TTLL4: variants seen among roughly 807,000 people sequenced by gnomAD.
The protein encoded by TTLL4 is tubulin monoglutamylase TTLL4.
In TTLL4, 85 loss-of-function variants were observed where a neutral mutation model predicts 122.7. The observed-to-expected ratio is 0.69, with a 90% CI of 0.58 to 0.83. TTLL4 has a LOEUF of 0.83. Among genes scored for constraint, TTLL4 ranks in the 40% least tolerant of loss-of-function variants. The pLI is 0.00. For missense variants in TTLL4, 1,363 were observed against 1,488.6 expected (o/e 0.92, Z 1.39); for synonymous variants, 553 against 563.0 (o/e 0.98, Z 0.25).
rs373380441 is a variant in TTLL4 at position 218,747,078 on chromosome 2, C to T, written c.2050C>T (p.Arg684Cys). ...GCGGAACCTGTCACGTATGCAGAGC[C>T]GCTTTGGCAAGAAGGAGTTCAGTTT... Reference protein sequence around the residue: ...LWRNLSRMQSRFGKKEFSFFP... With the variant: ...LWRNLSRMQSCFGKKEFSFFP... The change falls in exon 9 of 20, where the codon CGC (arginine) becomes TGC (cysteine). Residue 684 changes from arginine to cysteine, a missense_variant. By Grantham distance (180) the Arg-to-Cys change is radical (BLOSUM62 -3). Around this residue, in one of 3 missense-constraint regions of TTLL4, gnomAD observed 596 missense variants for 655.8 expected, o/e 0.91. Coordinates refer to ENST00000392102, the MANE Select transcript of TTLL4 (RefSeq NM_014640.5). The surrounding 1 kb of genome is among the most constrained non-coding windows in gnomAD (Gnocchi z 4.7). 3.7e-5 allele frequency: 60 copies of T among 1,614,064 alleles called. No individual in the cohort carries two copies. The highest frequency in any genetic ancestry group is 1.3e-4 in the East Asian group (6 of 44,892).
chr2:218,739,352 T>C (rs1942636365), intron 3 of TTLL4, among the ~76,000 whole-genome samples, 189 bp downstream of exon 3: 1 of 152,242 alleles, frequency 6.6e-6, no homozygotes, highest in Admixed American at 6.5e-5. Flanking sequence ...TTGCCTGCTT[T>C]TGTAAATAAA....
Position 218,747,193 on chromosome 2 carries a change from CAGTG to C in TTLL4, c.2166+5_2166+8del. On this transcript the variant is annotated splice_donor_variant and splice_donor_region_variant and coding_sequence_variant and intron_variant, in exon 9 of 20. Coordinates refer to ENST00000392102, the MANE Select transcript of TTLL4 (RefSeq NM_014640.5). LOFTEE classifies it high-confidence loss of function. The surrounding 1 kb of genome is among the most constrained non-coding windows in gnomAD (Gnocchi z 4.7). ...AGCCGCCAAAAGTGGATTGTGAAGCCAGTGAGTGAATCACAGTGGGCAGGAGACT... is the reference window on the plus strand; with the variant it reads ...AGCCGCCAAAAGTGGATTGTGAAGCCAGTGAATCACAGTGGGCAGGAGACT... The C allele has an allele frequency of 1.2e-6, 2 of 1,614,178 alleles. No individual in the cohort carries two copies. The highest frequency in any genetic ancestry group is 1.7e-6 in the Non-Finnish European group (2 of 1,180,030).
rs913252711 is a variant in TTLL4, at chr2:218,752,913, C to G, written c.3127C>G (p.Arg1043Gly). ...SRYLRFFEQP[R>G]YFNILTTQWE... is the part of the protein sequence containing the mutation. ...CTATCTCCGCTTTTTTGAGCAGCCA[C>G]GATATTTCAACATTCTCACCACCCA... The change falls in exon 17 of 20, where the codon CGA becomes GGA. Residue 1043 changes from arginine (R) to glycine (G), a missense_variant. By Grantham distance (125) the Arg-to-Gly change is moderately radical. Coordinates refer to ENST00000392102, the MANE Select transcript of TTLL4 (RefSeq NM_014640.5). 1 of 1,614,012 alleles carries G rather than the reference C, an allele frequency of 6.2e-7. No homozygotes were observed. The highest frequency in any genetic ancestry group is 1.3e-5 in the African/African-American group (1 of 74,890).
intron 1 of TTLL4, among the ~76,000 whole-genome samples, chr2:218,714,178 G>T (rs1559354446): frequency 3.3e-5 from 5 of 152,208 alleles, no homozygotes. Context: ...CAGGCAAAGT[G>T]AGAAGTCTGA....
At chr2:218,728,359 G>A (rs1205270447) in intron 2 of TTLL4, among the ~76,000 whole-genome samples, 2 of 152,190 alleles carry the variant, frequency 1.3e-5, no homozygotes, top group Admixed American at 1.3e-4. Flanking sequence ...CAGATCATCA[G>A]GCATTAGATT....
chr2:218,746,132 G>C, intron 7 of TTLL4, 23 bp from the exon 8 acceptor site: 1 of 1,614,048 alleles, frequency 6.2e-7, no homozygotes, highest in Non-Finnish European at 8.5e-7. Flanking sequence ...TAGCAAGGCT[G>C]ATTCCTGATG....
rs944984373 is a variant in TTLL4 at position 218,754,658 on chromosome 2, G to A, written c.*269G>A. 94 of 526,142 alleles carry A rather than the reference G, an allele frequency of 1.8e-4. No individual in the cohort carries two copies. Among genetic ancestry groups the A allele is most frequent in the Non-Finnish European group, 3.0e-4 (90 of 296,834 alleles). 32.6% of individuals were successfully genotyped at this position (526,142 alleles called of 1,614,324 possible). A position where few individuals can be genotyped will look rare whatever the true frequency, so the allele number is the denominator to read the frequency against. On this transcript the variant is annotated 3_prime_UTR_variant, in exon 20 of 20. Coordinates refer to ENST00000392102, the MANE Select transcript of TTLL4 (RefSeq NM_014640.5). ...CAGCAGAGAAGCCAGTGGTGGCCAC[G>A]CAGCCTTATAAAGCAGGTTTTGGTT...
Position 218,738,822 on chromosome 2 carries a change from T to C in TTLL4, c.1146T>C (p.Pro382=), listed in dbSNP as rs1942615361. ...ACAGGAGCAGGCGGTGGAAACCTCC[T>C]GCGGTAAATCAGCAGTTTCCTCAGG... is the stretch of plus-strand genomic sequence containing the variant. ...VLNRSRRWKP[P]AVNQQFPQED... The change falls in exon 3 of 20, where the codon CCT becomes CCC. Residue 382 remains proline (P), a synonymous_variant. Transcript: ENST00000392102. 1.2e-6 allele frequency: 2 copies of C among 1,614,084 alleles called. No homozygotes were observed. Among genetic ancestry groups the C allele is most frequent in the Non-Finnish European group, 1.7e-6 (2 of 1,180,048 alleles).
At position 218,748,160 on chromosome 2, in the gene TTLL4, A is replaced by G; in HGVS notation, c.2434A>G (p.Ser812Gly). ...TAAGTTCATGCACCTGACCAACTAC[A>G]GTGTCAATAAAAAGAATGCCGAGTA... is the stretch of plus-strand genomic sequence containing the variant. Reference protein sequence around the residue: ...GNKFMHLTNYSVNKKNAEYQA... With the variant: ...GNKFMHLTNYGVNKKNAEYQA... The change falls in exon 12 of 20, where the codon AGT (serine) becomes GGT (glycine). Residue 812 changes from serine (S) to glycine (G), a missense_variant. Around this residue, in one of 3 missense-constraint regions of TTLL4, gnomAD observed 596 missense variants for 655.8 expected, o/e 0.91. Transcript: ENST00000392102. The G allele has an allele frequency of 1.2e-6, 2 of 1,614,148 alleles. No individual in the cohort carries two copies. The highest frequency in any genetic ancestry group is 1.7e-6 in the Non-Finnish European group (2 of 1,180,016).
intron 5 of TTLL4, among the ~76,000 whole-genome samples, chr2:218,743,099 G>A (rs1246847482): frequency 2.6e-5 from 4 of 151,890 alleles, no homozygotes; most frequent in African/African-American, 7.3e-5. Context: ...AGCCGGTATC[G>A]TGCCACTGCA....
Position 218,740,577 on chromosome 2 carries a change from A to T in TTLL4, c.1654A>T (p.Ile552Phe). The T allele has an allele frequency of 6.2e-7, 1 of 1,614,086 alleles. No individual in the cohort carries two copies. Among genetic ancestry groups the T allele is most frequent in the South Asian group, 1.1e-5 (1 of 91,074 alleles). ...AVSPSESVAM[I>F]SRSCMEILTK... ...CTCCCCCAGCGAATCGGTGGCCATG[A>T]TCTCTAGGTAAGTGTGGCTGTATAG... is the stretch of plus-strand genomic sequence containing the variant. Residue 552 changes from isoleucine to phenylalanine, a missense_variant, in exon 5 of 20, where the codon ATC (isoleucine) becomes TTC (phenylalanine). By Grantham distance (21) the Ile-to-Phe change is conservative. Around this residue, in one of 3 missense-constraint regions of TTLL4, gnomAD observed 760 missense variants for 808.4 expected, o/e 0.94. Coordinates refer to ENST00000392102, the MANE Select transcript of TTLL4 (RefSeq NM_014640.5).
rs114167978 is a variant in TTLL4 at position 218,753,118 on chromosome 2, T to C, written c.3191T>C (p.Val1064Ala). ...QKYHGNKLKG[V>A]DLLRSWCYKG... ...ACTCCTGCTAATCTTGTCCTAGGAG[T>C]AGATCTGCTCCGGAGTTGGTGCTAC... Residue 1064 changes from valine (V) to alanine (A), a missense_variant, in exon 18 of 20, where the codon GTA (valine) becomes GCA (alanine). This residue lies in a region of TTLL4 where 596 missense variants were observed against 655.8 expected (regional missense o/e 0.91). Coordinates refer to ENST00000392102, the MANE Select transcript of TTLL4 (RefSeq NM_014640.5). The C allele has an allele frequency of 6.2e-6, 10 of 1,613,970 alleles. No homozygotes were observed. The highest frequency in any genetic ancestry group is 8.5e-6 in the Non-Finnish European group (10 of 1,179,998).
At chr2:218,748,047 C>T (rs562393412) in intron 11 of TTLL4, 58 bp from the exon 12 acceptor site, 2 of 1,607,954 alleles carry the variant, frequency 1.2e-6, no homozygotes, top group East Asian at 2.2e-5. Context: ...AATGTTTGGC[C>T]CCTTCTCCAT....
intron 2 of TTLL4, among the ~76,000 whole-genome samples, chr2:218,732,535 C>T (rs774422716): frequency 3.9e-5 from 6 of 152,114 alleles, no homozygotes; most frequent in Non-Finnish European, 5.9e-5. Flanking sequence ...AATTGCCCTT[C>T]GAGTATGTGC....
At chr2:218,753,997 T>C in intron 19 of TTLL4, 137 bp from the exon 20 acceptor site, 1 of 1,280,528 alleles carries the variant, frequency 7.8e-7, no homozygotes, top group Non-Finnish European at 1.1e-6. Context: ...TTTTTTATGG[T>C]TATTACATTT....
intron 1 of TTLL4, among the ~76,000 whole-genome samples, chr2:218,711,400 C>G (rs79919329): frequency 0.011 from 1,609 of 152,262 alleles, 42 homozygotes; most frequent in African/African-American, 0.036. Context: ...AAGCTCCTCG[C>G]AGGCTCCAGG....
chr2:218,731,110 T>TG (rs1942368516), intron 2 of TTLL4, among the ~76,000 whole-genome samples: 1 of 101,810 alleles, frequency 9.8e-6, no homozygotes, highest in African/African-American at 4.4e-5. Context: ...AGACCTTGTC[T>TG]AAAAAAAAAA....
At chr2:218,746,738 A>T (rs1337903782) in intron 8 of TTLL4, 2 of 501,792 alleles carry the variant, frequency 4.0e-6, no homozygotes, top group Non-Finnish European at 7.1e-6. Context: ...ATAGGGTTTC[A>T]TGGATAAAGA....
At chr2:218,729,769 A>C (rs1255845310) in intron 2 of TTLL4, among the ~76,000 whole-genome samples, 27 of 151,048 alleles carry the variant, frequency 1.8e-4, no homozygotes, top group Non-Finnish European at 2.2e-4. Flanking sequence ...AAAACAAAAA[A>C]AAAAAAAACA....
Sources: allele counts gnomAD v4.1 joint callset (sites outside exome capture counted in the v4.1 genomes callset), GRCh38; gene constraint gnomAD v4.1.1; regional missense constraint gnomAD v4.1.1; non-coding constraint Gnocchi (gnomAD v3.1); transcripts MANE v1.5; gene names NCBI Gene and HGNC (gene_info 2026-07-23, HGNC 2026-07-21).